Variants in SLC9A9 observed in about 807,000 individuals in gnomAD.
The protein encoded by SLC9A9 is sodium/hydrogen exchanger 9.
Under a neutral mutation model 77.8 loss-of-function variants are expected in SLC9A9, and 62 were observed. The observed-to-expected ratio is 0.80, with a 90% confidence interval of 0.65 to 0.98. SLC9A9 has a LOEUF of 0.98. SLC9A9 is among the 50% of genes least tolerant of loss of function. SLC9A9 has a pLI of 0.00. For missense variants in SLC9A9, 775 were observed against 774.9 expected, an observed-to-expected ratio of 1.00 and a Z score of 0.00; for synonymous variants, 320 against 283.5, an observed-to-expected ratio of 1.13 and a Z score of -1.29.
chr3:143,467,132 T>G lies in SLC9A9; in HGVS notation c.1374A>C (p.Lys458Asn), dbSNP rs772617922. Residue 458 changes from lysine (K) to asparagine (N), a missense_variant, in exon 12 of 16, where the codon AAA becomes AAC. Lys to Asn is a moderately conservative substitution (Grantham distance 94). Transcript: ENST00000316549. ...GCAGCGTAGTGGTAAACATCATTTGTTTGGGCTGAGATTCTGTGTTCCGAA... is the reference window on the plus strand; with the variant it reads ...GCAGCGTAGTGGTAAACATCATTTGGTTGGGCTGAGATTCTGTGTTCCGAA... ...LAIRNTESQP[K>N]QMMFTTTLLL... is the part of the protein sequence containing the mutation. The G allele has an allele frequency of 1.2e-6, 2 of 1,614,190 alleles. No homozygotes were observed.
At chr3:143,307,529 A>G (rs2030840863) in intron 14 of SLC9A9, among the ~76,000 whole-genome samples, 1 of 152,200 alleles carries the variant, frequency 6.6e-6, no homozygotes, top group Admixed American at 6.5e-5. Context: ...TAAGCTGTAG[A>G]TGCCTTGAGC....
chr3:143,363,120 G>A (rs1018606897), intron 14 of SLC9A9, among the ~76,000 whole-genome samples: 2 of 152,176 alleles, frequency 1.3e-5, no homozygotes, highest in African/African-American at 4.8e-5. Context: ...AGAGGCTGCT[G>A]AGACTGTTCA....
At chr3:143,429,508 A>T (rs2034470759) in intron 12 of SLC9A9, among the ~76,000 whole-genome samples, 1 of 152,220 alleles carries the variant, frequency 6.6e-6, no homozygotes, top group African/African-American at 2.4e-5. Context: ...GCAGAGTGGA[A>T]AGAGAAGTCC....
chr3:143,469,734 G>A (rs1179472372), intron 11 of SLC9A9, among the ~76,000 whole-genome samples: 3 of 152,138 alleles, frequency 2.0e-5, no homozygotes, highest in Non-Finnish European at 4.4e-5. Context: ...GGAAATCTCC[G>A]AAAGAGAGAA....
At chr3:143,596,934 T>G (rs1000312929) in intron 6 of SLC9A9, among the ~76,000 whole-genome samples, 1 of 152,174 alleles carries the variant, frequency 6.6e-6, no homozygotes. Context: ...AGTGCTGGGA[T>G]TACAGGTATG....
At chr3:143,300,021 C>T (rs2030452405) in intron 14 of SLC9A9, among the ~76,000 whole-genome samples, 1 of 152,158 alleles carries the variant, frequency 6.6e-6, no homozygotes, top group African/African-American at 2.4e-5. Flanking sequence ...AGTGGGTGGC[C>T]ATCCCAGACT....
rs201677787 is a variant in SLC9A9 at position 143,403,449 on chromosome 3, C to CT, written c.1470-21336dup. 3.0e-3 allele frequency among the ~76,000 whole-genome samples: 439 copies of CT among 148,092 alleles called. 3 individuals carry two copies. Among genetic ancestry groups the CT allele is most frequent in the South Asian group, 0.01 (47 of 4,636 alleles). On this transcript the variant is annotated intron_variant, in intron 12 of 15. Coordinates refer to ENST00000316549, the MANE Select transcript of SLC9A9 (RefSeq NM_173653.4). ...TAATACGTAGTTACCTTTGCCGGCA[C>CT]TTTTTTTTTTCCACGTGGATTTGAA...
chr3:143,780,715 T>TC (rs200444129), intron 4 of SLC9A9, among the ~76,000 whole-genome samples: 2,557 of 152,256 alleles, frequency 0.017, 71 homozygotes, highest in African/African-American at 0.059. Context: ...TTCTACAGTG[T>TC]TGGGGATGAC....
chr3:143,516,301 C>G (rs913223698), intron 9 of SLC9A9, among the ~76,000 whole-genome samples: 7 of 152,050 alleles, frequency 4.6e-5, no homozygotes, highest in African/African-American at 1.4e-4. Context: ...ACACTTTTGA[C>G]TTGGTTAATC....
chr3:143,716,471 T>C (rs1246251400), intron 4 of SLC9A9, among the ~76,000 whole-genome samples: 1 of 152,020 alleles, frequency 6.6e-6, no homozygotes, highest in Non-Finnish European at 1.5e-5. Flanking sequence ...AAAGAAGAGA[T>C]GAGTTAGAGT....
chr3:143,465,367 A>G (rs1472996778), intron 12 of SLC9A9, among the ~76,000 whole-genome samples: 1 of 152,246 alleles, frequency 6.6e-6, no homozygotes, highest in Non-Finnish European at 1.5e-5. Flanking sequence ...GGGCTGCATA[A>G]GTTATGACAC....
chr3:143,758,175 T>C (rs950033356), intron 4 of SLC9A9, among the ~76,000 whole-genome samples: 1 of 152,178 alleles, frequency 6.6e-6, no homozygotes, highest in African/African-American at 2.4e-5. Flanking sequence ...CAACTCATGG[T>C]CGATAGCCCA....
intron 14 of SLC9A9, among the ~76,000 whole-genome samples, chr3:143,327,839 T>A (rs2031649239): frequency 1.3e-5 from 2 of 152,202 alleles, no homozygotes; most frequent in Admixed American, 1.3e-4. Flanking sequence ...AATCATGAGA[T>A]CATTTTTATG....
rs940296153 is a variant in SLC9A9 at position 143,693,283 on chromosome 3, C to T, written c.558G>A (p.Lys186=). 2 of 1,613,272 alleles carry T rather than the reference C, an allele frequency of 1.2e-6. No individual in the cohort carries two copies. The highest frequency in any genetic ancestry group is 8.5e-7 in the Non-Finnish European group (1 of 1,179,498). Residue 186 remains lysine (K), a synonymous_variant, in exon 5 of 16, where the codon AAG becomes AAA. Coordinates refer to ENST00000316549, the MANE Select transcript of SLC9A9 (RefSeq NM_173653.4). ...TCAGCTGGCCAGCATGTATCATAGC[C>T]TTCACAAAACCATACATAATTAACC... ...VIGLIMYGFV[K]AMIHAGQLKN... is the part of the protein sequence containing the mutation.
chr3:143,449,776 T>G (rs1162810398), intron 12 of SLC9A9, among the ~76,000 whole-genome samples: 1 of 86,974 alleles, frequency 1.1e-5, no homozygotes, highest in African/African-American at 4.7e-5. Context: ...TAATTATATA[T>G]ATTTATATAT....
chr3:143,772,723 C>T (rs533488021), intron 4 of SLC9A9, among the ~76,000 whole-genome samples: 1 of 152,268 alleles, frequency 6.6e-6, no homozygotes, highest in South Asian at 2.1e-4. Flanking sequence ...GCCCCAAGTC[C>T]GGTTTGTGAA....
At chr3:143,511,703 G>T (rs1437656785) in intron 9 of SLC9A9, among the ~76,000 whole-genome samples, 1 of 152,124 alleles carries the variant, frequency 6.6e-6, no homozygotes, top group Non-Finnish European at 1.5e-5. Context: ...CGTAGTCTGT[G>T]GCCTAAGCCC....
intron 4 of SLC9A9, among the ~76,000 whole-genome samples, chr3:143,719,723 A>G (rs1185546049): frequency 1.3e-5 from 2 of 152,234 alleles, no homozygotes; most frequent in Non-Finnish European, 2.9e-5. Flanking sequence ...ATACTGCTAT[A>G]GTAGTACTGA....
Position 143,823,707 on chromosome 3 carries a change from G to T in SLC9A9, c.378+8312C>A, listed in dbSNP as rs184288658. 7.3e-5 allele frequency among the ~76,000 whole-genome samples: 11 copies of T among 151,238 alleles called. No individual in the cohort carries two copies. The East Asian group carries it at 2.1e-3, about 29-fold the overall frequency. On this transcript the variant is annotated intron_variant, in intron 2 of 15. Transcript: ENST00000316549. ...AAATTAAACATTAAAAAAGATTTCA[G>T]AAAAGAGTGGAATTTTTAAAGGTAG...
Sources: allele counts gnomAD v4.1 joint callset (sites outside exome capture counted in the v4.1 genomes callset), GRCh38; gene constraint gnomAD v4.1.1; transcripts MANE v1.5; gene names NCBI Gene and HGNC (gene_info 2026-07-23, HGNC 2026-07-21).